The following CPNE8 variants were observed in gnomAD, a reference collection of about 807,000 sequenced individuals.
CPNE8 encodes copine 8.
In CPNE8, 45 loss-of-function variants were observed where a neutral mutation model predicts 81.5. The ratio of observed to expected loss-of-function variants is 0.55; its 90% CI spans 0.44 to 0.71. The LOEUF is 0.71. Ranked by LOEUF, CPNE8 falls within the 30% of genes least tolerant of loss-of-function variation. The probability of loss-of-function intolerance (pLI) is 0.00; values close to 1 mark genes in which losing one functional copy is unlikely to be tolerated. For missense variants in CPNE8, 594 were observed against 672.1 expected (o/e 0.88, Z 1.28); for synonymous variants, 252 against 226.3 (o/e 1.11, Z -1.02).
chr12:38,805,231 A>C (rs1942767375), intron 6 of CPNE8, among the ~76,000 whole-genome samples: 1 of 31,378 alleles, frequency 3.2e-5, no homozygotes, highest in African/African-American at 1.3e-4. Flanking sequence ...TTGTGGCACT[A>C]TTCACAATAG....
chr12:38,684,806 G>T (rs911790651), intron 16 of CPNE8, among the ~76,000 whole-genome samples: 4 of 152,088 alleles, frequency 2.6e-5, no homozygotes, highest in Non-Finnish European at 5.9e-5. Context: ...AAATAATTCA[G>T]GGTGTCATAG....
At chr12:38,699,352 G>C (rs1175334137) in intron 14 of CPNE8, among the ~76,000 whole-genome samples, 2 of 152,150 alleles carry the variant, frequency 1.3e-5, no homozygotes, top group African/African-American at 2.4e-5. Flanking sequence ...ACTGGTGCTA[G>C]TCACCTTTTG....
At chr12:38,788,750 T>A (rs931558496) in intron 6 of CPNE8, among the ~76,000 whole-genome samples, 2 of 151,806 alleles carry the variant, frequency 1.3e-5, no homozygotes, top group African/African-American at 4.8e-5. Flanking sequence ...TTAGAATTGA[T>A]AATTCAGTAA....
chr12:38,895,354 C>A (rs189464036), intron 1 of CPNE8, among the ~76,000 whole-genome samples: 87 of 152,154 alleles, frequency 5.7e-4, no homozygotes, highest in Admixed American at 4.5e-3. Context: ...GGCCTGAGGT[C>A]AATTCTCAAT....
At chr12:38,782,785 A>G (rs1942083688) in intron 6 of CPNE8, among the ~76,000 whole-genome samples, 1 of 152,006 alleles carries the variant, frequency 6.6e-6, no homozygotes, top group African/African-American at 2.4e-5. Flanking sequence ...GACTCAAGCA[A>G]TCTTCCCATC....
intron 10 of CPNE8, among the ~76,000 whole-genome samples, chr12:38,751,529 A>G (rs914695055): frequency 4.6e-5 from 7 of 152,218 alleles, no homozygotes; most frequent in Non-Finnish European, 1.0e-4. Context: ...TGGACTACAC[A>G]TAGCAATTCT....
Position 38,848,659 on chromosome 12 carries a change from C to G in CPNE8, c.190G>C (p.Gly64Arg). The change falls in exon 4 of 20, where the codon GGA becomes CGA. Residue 64 changes from glycine to arginine, a missense_variant. Transcript: ENST00000331366. ...GVGNKEWREF[G>R]RTEVIDNTLN... ...GTATTATCAATTACTTCAGTTCTTCCAAACTGTGGAAAGAGAGAGAGAATT... is the reference window on the plus strand; with the variant it reads ...GTATTATCAATTACTTCAGTTCTTCGAAACTGTGGAAAGAGAGAGAGAATT... The G allele has an allele frequency of 6.3e-7, 1 of 1,586,486 alleles. No homozygotes were observed. The highest frequency in any genetic ancestry group is 8.5e-7 in the Non-Finnish European group (1 of 1,171,386).
At chr12:38,874,369 G>A in intron 2 of CPNE8, 102 bp downstream of exon 2, 3 of 832,354 alleles carry the variant, frequency 3.6e-6, no homozygotes, top group South Asian at 1.4e-5. Flanking sequence ...TTCTCCTGTT[G>A]CTTTCTAGGC....
chr12:38,897,632 CTA>C (rs983712621), intron 1 of CPNE8, among the ~76,000 whole-genome samples: 2 of 149,926 alleles, frequency 1.3e-5, no homozygotes, highest in Non-Finnish European at 1.5e-5. Context: ...TTAATACACA[CTA>C]TTAATATATT....
intron 6 of CPNE8, among the ~76,000 whole-genome samples, chr12:38,808,250 T>A (rs952350361): frequency 2.0e-5 from 3 of 152,146 alleles, no homozygotes; most frequent in African/African-American, 7.2e-5. Flanking sequence ...ATCCTATTAC[T>A]GGTTATATAC....
intron 10 of CPNE8, among the ~76,000 whole-genome samples, chr12:38,739,341 C>T (rs1038540): frequency 0.81 from 122,614 of 152,004 alleles, 52,409 homozygotes; most frequent in Middle Eastern, 0.97. Flanking sequence ...ATGAGGCTCC[C>T]GGAAACTATG....
chr12:38,788,387 A>G (rs1409983947), intron 6 of CPNE8, among the ~76,000 whole-genome samples: 2 of 151,880 alleles, frequency 1.3e-5, no homozygotes, highest in Non-Finnish European at 2.9e-5. Context: ...ATGCTGAAAA[A>G]CCATTTGATC....
At chr12:38,800,999 G>A (rs1368369542) in intron 6 of CPNE8, among the ~76,000 whole-genome samples, 1 of 150,290 alleles carries the variant, frequency 6.7e-6, no homozygotes, top group African/African-American at 2.5e-5. Flanking sequence ...AAGAAATATG[G>A]GACTACGTGA....
intron 5 of CPNE8, among the ~76,000 whole-genome samples, chr12:38,835,173 C>A (rs367853214): frequency 6.6e-6 from 1 of 152,210 alleles, no homozygotes; most frequent in Non-Finnish European, 1.5e-5. Context: ...GCATGAGCCA[C>A]CGCACCTGGC....
chr12:38,740,580 T>C (rs1255459975), intron 10 of CPNE8, among the ~76,000 whole-genome samples: 3 of 152,190 alleles, frequency 2.0e-5, no homozygotes, highest in Non-Finnish European at 2.9e-5. Flanking sequence ...CAATACCTAA[T>C]TGACAGTTTT....
rs57044387 is a variant in CPNE8, at chr12:38,717,429, G to GTATATATATATATATATATATATATA, written c.914+6317_914+6342dup. 2.0e-4 allele frequency among the ~76,000 whole-genome samples: 17 copies of GTATATATATATATATATATATATATA among 87,028 alleles called. 1 individual carries two copies. The highest frequency in any genetic ancestry group is 5.5e-4 in the African/African-American group (12 of 21,660). 57.1% of individuals were successfully genotyped at this position (87,028 alleles called of 152,430 possible). On this transcript the variant is annotated intron_variant, in intron 13 of 19. Coordinates refer to ENST00000331366, the MANE Select transcript of CPNE8 (RefSeq NM_153634.3). The stretch of plus-strand genomic sequence containing the variant: ...AACAAGTAAACAAAGAAAGTGTGGT[G>GTATATATATATATATATATATATATA]TATATATATATATATATATATATAT...
At chr12:38,761,108 G>A (rs1941562921) in intron 9 of CPNE8, among the ~76,000 whole-genome samples, 2 of 152,176 alleles carry the variant, frequency 1.3e-5, no homozygotes, top group African/African-American at 4.8e-5. Context: ...AAGAGAGTAA[G>A]GAGAGTCTAC....
intron 6 of CPNE8, 58 bp from the exon 7 acceptor site, chr12:38,776,359 A>G (rs1478091571): frequency 7.8e-6 from 4 of 513,396 alleles, no homozygotes; most frequent in South Asian, 1.1e-4. Flanking sequence ...ACTATATAAT[A>G]TAAATTTATA....
At chr12:38,811,715 G>A (rs546793061) in intron 6 of CPNE8, among the ~76,000 whole-genome samples, 158 of 152,152 alleles carry the variant, frequency 1.0e-3, no homozygotes, top group Non-Finnish European at 1.4e-3. Flanking sequence ...ACAAACCAAG[G>A]TTTTTAATTA....
Sources: allele counts gnomAD v4.1 joint callset (sites outside exome capture counted in the v4.1 genomes callset), GRCh38; gene constraint gnomAD v4.1.1; transcripts MANE v1.5; gene names NCBI Gene and HGNC (gene_info 2026-07-23, HGNC 2026-07-21).